The following PRRX1 variants were observed in gnomAD, a reference collection of about 807,000 sequenced individuals.
PRRX1 encodes paired mesoderm homeobox protein 1.
A neutral mutation model predicts 24.0 loss-of-function variants in PRRX1; 8 were observed. That is an observed-to-expected ratio of 0.33 (90% CI 0.20 to 0.60). The LOEUF is 0.60. PRRX1 is among the 20% of genes least tolerant of loss of function. PRRX1 has a pLI of 0.82. For missense variants in PRRX1, 281 were observed against 322.4 expected (o/e 0.87, Z 0.98); for synonymous variants, 160 against 131.7 (o/e 1.22, Z -1.47).
At chr1:170,716,583 C>CA (rs1010022653) in intron 1 of PRRX1, among the ~76,000 whole-genome samples, 16,693 of 100,526 alleles carry the variant, frequency 0.17, 1,257 homozygotes, top group African/African-American at 0.26. Context: ...GACTCCATCT[C>CA]AAAAAAAAAA....
chr1:170,735,510 A>T (rs1482993143), intron 3 of PRRX1, among the ~76,000 whole-genome samples: 3 of 152,202 alleles, frequency 2.0e-5, no homozygotes, highest in Admixed American at 6.5e-5. Flanking sequence ...CAGAGAACAT[A>T]TGTTAGGTTG....
chr1:170,669,671 A>T (rs571068822), intron 1 of PRRX1, among the ~76,000 whole-genome samples: 1 of 151,564 alleles, frequency 6.6e-6, no homozygotes, highest in African/African-American at 2.4e-5. Flanking sequence ...ACCATCGCAG[A>T]CCCCTAACTC....
chr1:170,719,677 G>T, intron 1 of PRRX1, 49 bp from the exon 2 acceptor site: 1 of 1,586,520 alleles, frequency 6.3e-7, no homozygotes, highest in Non-Finnish European at 8.6e-7. Flanking sequence ...TCTTAACTGG[G>T]ACTCCTACAG....
intron 2 of PRRX1, 39 bp from the exon 3 acceptor site, chr1:170,726,181 T>C: frequency 1.3e-6 from 2 of 1,583,724 alleles, no homozygotes; most frequent in Non-Finnish European, 1.7e-6. Context: ...GTTTTTCCTC[T>C]CTTTCCTTAT....
At chr1:170,722,117 G>C (rs1166207227) in intron 2 of PRRX1, among the ~76,000 whole-genome samples, 4 of 152,058 alleles carry the variant, frequency 2.6e-5, no homozygotes, top group African/African-American at 9.7e-5. Flanking sequence ...GACTTTTAGA[G>C]TAGTGAACAT....
rs1441724816 is a variant in PRRX1 at position 170,726,509 on chromosome 1, C to A, written c.599+108C>A. 6 of 1,340,330 alleles carry A rather than the reference C, an allele frequency of 4.5e-6. No homozygotes were observed. In the African/African-American group the frequency reaches 7.3e-5, roughly 16 times the overall value. The allele number at this position is 1,340,330 out of a possible 1,614,324, so 83.0% of individuals were successfully genotyped here. A position where few individuals can be genotyped will look rare whatever the true frequency, so the allele number is the denominator to read the frequency against. On this transcript the variant is annotated intron_variant, in intron 3 of 3. Coordinates refer to ENST00000239461, the MANE Select transcript of PRRX1 (RefSeq NM_022716.4). ...CACCGACATTTCTTACTGGGTTAAT[C>A]TCTTCAGAGACATTCAACTTGCTGA...
chr1:170,681,867 G>A (rs1653557346), intron 1 of PRRX1, among the ~76,000 whole-genome samples: 1 of 152,126 alleles, frequency 6.6e-6, no homozygotes. Context: ...GACAAAAAGG[G>A]GACAGGTTCA....
chr1:170,687,000 C>CTTGAATGATGCT (rs1224833978), intron 1 of PRRX1, among the ~76,000 whole-genome samples: 16 of 152,030 alleles, frequency 1.1e-4, no homozygotes. Context: ...AGTTTTCTTA[C>CTTGAATGATGCT]TAATTAAGCA....
chr1:170,710,191 TA>T (rs997670953), intron 1 of PRRX1, among the ~76,000 whole-genome samples: 4 of 152,016 alleles, frequency 2.6e-5, no homozygotes, highest in South Asian at 2.1e-4. Flanking sequence ...CTCAAAAAAG[TA>T]AAAAAACACA....
intron 3 of PRRX1, among the ~76,000 whole-genome samples, chr1:170,731,006 C>T (rs535216976): frequency 1.3e-5 from 2 of 152,196 alleles, no homozygotes; most frequent in African/African-American, 2.4e-5. Context: ...AAACGGAAAG[C>T]TTACCAATGA....
intron 1 of PRRX1, among the ~76,000 whole-genome samples, chr1:170,664,820 G>C (rs1441040981): frequency 6.6e-6 from 1 of 152,236 alleles, no homozygotes; most frequent in Non-Finnish European, 1.5e-5. Context: ...GGTCTTAGCG[G>C]GGTGCAAACT....
chr1:170,695,455 A>C (rs987853433), intron 1 of PRRX1, among the ~76,000 whole-genome samples: 28 of 152,280 alleles, frequency 1.8e-4, no homozygotes, highest in African/African-American at 6.5e-4. Flanking sequence ...CACTAGTGTC[A>C]TTTGTCTGTT....
chr1:170,693,177 G>T (rs927783919), intron 1 of PRRX1, among the ~76,000 whole-genome samples: 1 of 152,066 alleles, frequency 6.6e-6, no homozygotes, highest in Non-Finnish European at 1.5e-5. Flanking sequence ...CCATGGTTTT[G>T]TTATTACTAC....
intron 3 of PRRX1, among the ~76,000 whole-genome samples, chr1:170,732,935 A>G (rs953124167): frequency 2.6e-5 from 4 of 152,154 alleles, no homozygotes; most frequent in African/African-American, 7.2e-5. Context: ...CAATGCCACC[A>G]TATAATCAGA....
At chr1:170,666,387 C>CTG (rs1307007727) in intron 1 of PRRX1, among the ~76,000 whole-genome samples, 7 of 127,350 alleles carry the variant, frequency 5.5e-5, no homozygotes, top group Non-Finnish European at 7.8e-5. Flanking sequence ...CACTGCACTC[C>CTG]AGTCTGGATG....
intron 3 of PRRX1, among the ~76,000 whole-genome samples, chr1:170,734,775 A>C (rs897437117): frequency 7.2e-5 from 11 of 152,178 alleles, no homozygotes; most frequent in African/African-American, 2.7e-4. Context: ...ATATTTCTTA[A>C]CTTAATTTTC....
At chr1:170,667,004 G>T (rs1299952683) in intron 1 of PRRX1, among the ~76,000 whole-genome samples, 1 of 152,108 alleles carries the variant, frequency 6.6e-6, no homozygotes, top group Non-Finnish European at 1.5e-5. Context: ...CCTCAGGAGC[G>T]CTCGAGGACA....
intron 1 of PRRX1, among the ~76,000 whole-genome samples, chr1:170,679,471 C>G (rs1653430672): frequency 6.6e-6 from 1 of 152,164 alleles, no homozygotes; most frequent in Non-Finnish European, 1.5e-5. Flanking sequence ...ACAATTTCGG[C>G]TCACTGCAAG....
At chr1:170,667,900 C>T (rs776244118) in intron 1 of PRRX1, 1 of 152,186 alleles carries the variant, frequency 6.6e-6, no homozygotes, top group Non-Finnish European at 1.5e-5. Flanking sequence ...TGCAAAATTC[C>T]TAACTATAAC....
Sources: gnomAD v4.1 joint callset for allele counts (sites outside exome capture counted in the v4.1 genomes callset) on GRCh38, gnomAD v4.1.1 for gene constraint, MANE v1.5 for transcripts, NCBI Gene and HGNC (gene_info 2026-07-23, HGNC 2026-07-21) for gene names.